The following PALM2AKAP2 variants were observed in gnomAD, a reference collection of about 807,000 sequenced individuals.
PALM2AKAP2 encodes the protein PALM2 and AKAP2 fusion.
Under a neutral mutation model 71.5 loss-of-function variants are expected in PALM2AKAP2, and 37 were observed. The ratio of observed to expected loss-of-function variants is 0.52; its 90% CI spans 0.40 to 0.68. The LOEUF (loss-of-function observed/expected upper bound fraction) is 0.68, where lower values mean the gene tolerates loss of function less well. PALM2AKAP2 is among the 30% of genes least tolerant of loss of function. PALM2AKAP2 has a pLI of 0.00. For missense variants in PALM2AKAP2, 1,224 were observed against 1,191.8 expected (o/e 1.03, Z -0.40); for synonymous variants, 468 against 478.8 (o/e 0.98, Z 0.29).
intron 1 of PALM2AKAP2, among the ~76,000 whole-genome samples, chr9:109,846,232 T>C (rs990953334): frequency 6.6e-6 from 1 of 151,982 alleles, no homozygotes; most frequent in African/African-American, 2.4e-5. Flanking sequence ...AAAGGAGAAA[T>C]CCAAGCTCAG....
At chr9:110,039,376 A>G (rs1198245172) in intron 7 of PALM2AKAP2, among the ~76,000 whole-genome samples, 2 of 152,322 alleles carry the variant, frequency 1.3e-5, no homozygotes, top group East Asian at 1.9e-4. Context: ...ATCACAGCAT[A>G]TTTGATAAAG....
intron 3 of PALM2AKAP2, among the ~76,000 whole-genome samples, chr9:109,918,763 C>T (rs1830751958): frequency 6.6e-6 from 1 of 152,210 alleles, no homozygotes; most frequent in African/African-American, 2.4e-5. Context: ...CAGAGCCTGG[C>T]CCAAGGCCAC....
chr9:109,866,568 A>G (rs1410575289), intron 1 of PALM2AKAP2, among the ~76,000 whole-genome samples: 1 of 152,214 alleles, frequency 6.6e-6, no homozygotes, highest in East Asian at 1.9e-4. Flanking sequence ...GTGGAAATGC[A>G]AGGAAAATAT....
intron 1 of PALM2AKAP2, among the ~76,000 whole-genome samples, chr9:109,649,523 A>G (rs74684020): frequency 3.3e-4 from 50 of 152,316 alleles, no homozygotes; most frequent in South Asian, 3.1e-3. Context: ...TCATGTATCC[A>G]ATTTTTTTGA....
chr9:109,928,488 T>C (rs1831007276), intron 5 of PALM2AKAP2, among the ~76,000 whole-genome samples: 1 of 152,154 alleles, frequency 6.6e-6, no homozygotes, highest in Non-Finnish European at 1.5e-5. Context: ...GCTTATTAAT[T>C]GAGGCCACCT....
chr9:109,870,849 CT>C (rs1330036104), intron 2 of PALM2AKAP2, among the ~76,000 whole-genome samples: 1 of 152,080 alleles, frequency 6.6e-6, no homozygotes, highest in Non-Finnish European at 1.5e-5. Flanking sequence ...ATTGAAGTTC[CT>C]TGAAGTAGAG....
chr9:109,786,600 A>C (rs984000706), intron 1 of PALM2AKAP2, among the ~76,000 whole-genome samples: 5 of 152,220 alleles, frequency 3.3e-5, no homozygotes, highest in Non-Finnish European at 1.5e-5. Flanking sequence ...CCCACTGGAT[A>C]GGTGACACTT....
chr9:109,980,233 G>A (rs185722609), intron 6 of PALM2AKAP2, among the ~76,000 whole-genome samples: 1 of 152,244 alleles, frequency 6.6e-6, no homozygotes, highest in Non-Finnish European at 1.5e-5. Flanking sequence ...CCTCTTCTCA[G>A]TGTCCCTGGA....
intron 6 of PALM2AKAP2, among the ~76,000 whole-genome samples, chr9:109,983,135 A>T (rs970411103): frequency 1.3e-5 from 2 of 152,170 alleles, no homozygotes; most frequent in African/African-American, 4.8e-5. Context: ...TTTCTATGAG[A>T]GTGGGGATTC....
At chr9:110,097,393 T>C (rs977340486) in intron 1 of PALM2AKAP2, among the ~76,000 whole-genome samples, 2 of 149,536 alleles carry the variant, frequency 1.3e-5, no homozygotes, top group African/African-American at 5.1e-5. Context: ...TCTCAATCTT[T>C]TCCCCACCTT....
chr9:110,023,019 A>T (rs1005907565), intron 7 of PALM2AKAP2, among the ~76,000 whole-genome samples: 36 of 152,234 alleles, frequency 2.4e-4, no homozygotes, highest in African/African-American at 8.2e-4. Context: ...TGCTATTGTG[A>T]ATAGTGCCAC....
intron 1 of PALM2AKAP2, among the ~76,000 whole-genome samples, chr9:109,686,481 G>A (rs1827807049): frequency 6.6e-6 from 1 of 152,202 alleles, no homozygotes; most frequent in Non-Finnish European, 1.5e-5. Context: ...GTGACCAGGT[G>A]CATTGTCAAG....
chr9:109,692,647 A>T (rs949730195), intron 1 of PALM2AKAP2, among the ~76,000 whole-genome samples: 2 of 151,942 alleles, frequency 1.3e-5, no homozygotes, highest in African/African-American at 4.8e-5. Context: ...TAATAAATGG[A>T]TATTTAATTT....
chr9:110,054,189 C>T (rs539734490), intron 1 of PALM2AKAP2, among the ~76,000 whole-genome samples: 3 of 152,298 alleles, frequency 2.0e-5, no homozygotes, highest in South Asian at 2.1e-4. Flanking sequence ...CACCTGAGGT[C>T]GGGAGTTCGA....
intron 1 of PALM2AKAP2, among the ~76,000 whole-genome samples, chr9:109,707,585 G>T (rs1828163805): frequency 6.6e-6 from 1 of 152,074 alleles, no homozygotes; most frequent in Non-Finnish European, 1.5e-5. Context: ...TTGACTTTTG[G>T]CTTGATTTTG....
At chr9:109,698,845 A>G (rs1190517343) in intron 1 of PALM2AKAP2, among the ~76,000 whole-genome samples, 1 of 152,228 alleles carries the variant, frequency 6.6e-6, no homozygotes, top group Non-Finnish European at 1.5e-5. Flanking sequence ...TGAATATAGT[A>G]TCTAGCCTTG....
intron 1 of PALM2AKAP2, among the ~76,000 whole-genome samples, chr9:109,714,001 C>T (rs1273180608): frequency 6.6e-6 from 1 of 152,136 alleles, no homozygotes; most frequent in African/African-American, 2.4e-5. Context: ...ACTCTTTGTA[C>T]TTTCTGTTCA....
intron 1 of PALM2AKAP2, among the ~76,000 whole-genome samples, chr9:109,688,500 C>A (rs1332113237): frequency 6.6e-6 from 1 of 152,218 alleles, no homozygotes; most frequent in Non-Finnish European, 1.5e-5. Flanking sequence ...GCAGCCTGAT[C>A]CCTCAGAATA....
intron 1 of PALM2AKAP2, among the ~76,000 whole-genome samples, chr9:109,645,698 T>A (rs1247747831): frequency 1.3e-5 from 2 of 149,034 alleles, no homozygotes; most frequent in African/African-American, 5.0e-5. Flanking sequence ...GAGAGCTAAA[T>A]GATGTGTACA....
Sources: gnomAD v4.1 joint callset for allele counts (sites outside exome capture counted in the v4.1 genomes callset) on GRCh38, gnomAD v4.1.1 for gene constraint, MANE v1.5 for transcripts, NCBI Gene and HGNC (gene_info 2026-07-23, HGNC 2026-07-21) for gene names.